BFSP1: variants seen among roughly 807,000 people sequenced by gnomAD.
The protein encoded by BFSP1 is beaded filament structural protein 1.
A neutral mutation model predicts 43.9 loss-of-function variants in BFSP1; 38 were observed. The ratio of observed to expected loss-of-function variants is 0.87; its 90% CI spans 0.67 to 1.14. The LOEUF (loss-of-function observed/expected upper bound fraction) is 1.14, where lower values mean the gene tolerates loss of function less well. Ranked by LOEUF, BFSP1 falls within the 50% of genes most tolerant of loss-of-function variation. BFSP1 has a pLI of 0.00. For synonymous variants in BFSP1, 352 were observed against 354.8 expected (o/e 0.99, Z 0.09); for missense variants, 850 against 875.1 (o/e 0.97, Z 0.36).
intron 1 of BFSP1, among the ~76,000 whole-genome samples, chr20:17,536,691 C>T (rs1199684608): frequency 6.6e-6 from 1 of 152,150 alleles, no homozygotes; most frequent in African/African-American, 2.4e-5. Flanking sequence ...TGAGCCATCC[C>T]TTTCAGTTGA....
chr20:17,506,839 T>G (rs1461605292), intron 5 of BFSP1: 1 of 152,176 alleles, frequency 6.6e-6, no homozygotes, highest in African/African-American at 2.4e-5. Flanking sequence ...TTCCTTTAAA[T>G]TATCTGTATT....
At position 17,525,587 on chromosome 20, in the gene BFSP1, T is replaced by C. The variant is rs2034403028; in HGVS notation, c.378-679A>G. 1.3e-5 allele frequency among the ~76,000 whole-genome samples: 2 copies of C among 152,142 alleles called. No individual in the cohort carries two copies. The highest frequency in any genetic ancestry group is 2.4e-5 in the African/African-American group (1 of 41,416). On this transcript the variant is annotated intron_variant, in intron 1 of 7. Coordinates refer to ENST00000377873, the MANE Select transcript of BFSP1 (RefSeq NM_001195.5). This position sits in a 1 kb window ranked among gnomAD's most constrained non-coding sequence, Gnocchi z 4.2. The stretch of plus-strand genomic sequence containing the variant: ...GCCCACAAACTCTGAATGAGGCAAA[T>C]TGGAGCATAAGTACCCCAGCTCCTT...
chr20:17,559,369 G>C (rs1237239470), upstream of BFSP1, among the ~76,000 whole-genome samples: 4 of 152,230 alleles, frequency 2.6e-5, no homozygotes, highest in Non-Finnish European at 5.9e-5. Flanking sequence ...TTCACGAATT[G>C]CTAAGACTGT....
At chr20:17,547,261 C>T (rs2034818683) in intron 1 of BFSP1, among the ~76,000 whole-genome samples, 1 of 151,640 alleles carries the variant, frequency 6.6e-6, no homozygotes, top group Admixed American at 6.6e-5. Flanking sequence ...CCTATTGTAC[C>T]TCAATTCCCC....
chr20:17,553,836 T>TACACAC (rs2034941367), intron 1 of BFSP1, among the ~76,000 whole-genome samples: 2 of 74,140 alleles, frequency 2.7e-5, no homozygotes, highest in Admixed American at 2.5e-4. Flanking sequence ...TATATATATA[T>TACACAC]ACACATATAT....
At chr20:17,535,899 A>G (rs1037644771), upstream of BFSP1, among the ~76,000 whole-genome samples, 1 of 152,166 alleles carries the variant, frequency 6.6e-6, no homozygotes, top group African/African-American at 2.4e-5. Context: ...ATAGGAGAAA[A>G]TGGGCTATAA....
chr20:17,547,897 A>ATTTTTTTTTTTTTTTTTTTTTTT (rs71192391), intron 1 of BFSP1, among the ~76,000 whole-genome samples: 3 of 101,896 alleles, frequency 2.9e-5, no homozygotes, highest in Non-Finnish European at 3.7e-5. Flanking sequence ...TGCCCGGCCA[A>ATTTTTTTTTTTTTTTTTTTTTTT]TTTTTTTTTT....
intron 6 of BFSP1, among the ~76,000 whole-genome samples, chr20:17,497,886 G>A (rs1485105039): frequency 2.0e-5 from 3 of 152,044 alleles, no homozygotes; most frequent in African/African-American, 4.8e-5. Flanking sequence ...GTGAAGCCCT[G>A]TCCCAAAACA....
intron 1 of BFSP1, among the ~76,000 whole-genome samples, chr20:17,566,445 T>C (rs964022315): frequency 6.6e-6 from 1 of 152,232 alleles, no homozygotes; most frequent in Non-Finnish European, 1.5e-5. Context: ...AGAGACCTTA[T>C]GTGTCTTAGT....
At chr20:17,554,046 A>C (rs993273073) in intron 1 of BFSP1, among the ~76,000 whole-genome samples, 4 of 151,476 alleles carry the variant, frequency 2.6e-5, no homozygotes, top group African/African-American at 9.7e-5. Context: ...CCCAAATTTA[A>C]AATCTACATA....
intron 5 of BFSP1, among the ~76,000 whole-genome samples, chr20:17,500,113 A>G (rs898015664): frequency 4.6e-5 from 7 of 152,246 alleles, no homozygotes; most frequent in Admixed American, 3.3e-4. Flanking sequence ...GTTCTCATTC[A>G]GCTTTGATTT....
intron 5 of BFSP1, chr20:17,506,834 T>C (rs2033949393): frequency 6.6e-6 from 1 of 152,212 alleles, no homozygotes; most frequent in Admixed American, 6.5e-5. Context: ...CTGGTTTCCT[T>C]TAAATTATCT....
chr20:17,523,778 G>A (rs1432062383), intron 2 of BFSP1, among the ~76,000 whole-genome samples: 1 of 151,718 alleles, frequency 6.6e-6, no homozygotes, highest in Admixed American at 6.6e-5. Context: ...ACGCGCAGAG[G>A]GGCAGGTAAC....
intron 5 of BFSP1, 138 bp from the exon 6 acceptor site, chr20:17,499,178 G>C (rs1185077517): frequency 4.1e-6 from 3 of 735,300 alleles, no homozygotes; most frequent in Non-Finnish European, 6.8e-6. Context: ...GATTAGCAAT[G>C]AATCACTTTG....
chr20:17,545,220 C>G (rs1236651433), intron 1 of BFSP1, among the ~76,000 whole-genome samples: 1 of 152,064 alleles, frequency 6.6e-6, no homozygotes, highest in Non-Finnish European at 1.5e-5. Context: ...TTTTATTAGG[C>G]AAAGCATGAG....
chr20:17,513,978 T>C (rs900850110), intron 3 of BFSP1, among the ~76,000 whole-genome samples: 9 of 152,322 alleles, frequency 5.9e-5, no homozygotes, highest in Admixed American at 4.6e-4. Flanking sequence ...TCCCTGCTCC[T>C]GGGGACAGGA....
intron 1 of BFSP1, among the ~76,000 whole-genome samples, chr20:17,538,744 A>C (rs1209351139): frequency 6.6e-6 from 1 of 152,202 alleles, no homozygotes; most frequent in African/African-American, 2.4e-5. Flanking sequence ...TGCAGAAATG[A>C]GTCATTGTCC....
chr20:17,497,148 A>C, intron 6 of BFSP1, 125 bp from the exon 7 acceptor site: 4 of 641,670 alleles, frequency 6.2e-6, no homozygotes, highest in East Asian at 3.2e-5. Flanking sequence ...ATTAGATATC[A>C]TTTTAAACAG....
intron 1 of BFSP1, among the ~76,000 whole-genome samples, chr20:17,557,695 T>C (rs2123597167): frequency 6.6e-6 from 1 of 152,344 alleles, no homozygotes; most frequent in South Asian, 2.1e-4. Flanking sequence ...GCCTGAGTCT[T>C]TCCTCAGTTT....
Sources: allele counts gnomAD v4.1 joint callset (sites outside exome capture counted in the v4.1 genomes callset), GRCh38; gene constraint gnomAD v4.1.1; non-coding constraint Gnocchi (gnomAD v3.1); transcripts MANE v1.5; gene names NCBI Gene and HGNC (gene_info 2026-07-23, HGNC 2026-07-21).